The following SYT16 variants were observed in gnomAD, a reference collection of about 807,000 sequenced individuals.
The protein encoded by SYT16 is synaptotagmin 16.
In SYT16, 42 loss-of-function variants were observed where a neutral mutation model predicts 61.4. That is an observed-to-expected ratio of 0.68 (90% CI 0.53 to 0.89). The LOEUF (loss-of-function observed/expected upper bound fraction) is 0.89, where lower values mean the gene tolerates loss of function less well. Among genes scored for constraint, SYT16 ranks in the 40% least tolerant of loss-of-function variants. SYT16 has a pLI of 0.00. For synonymous variants in SYT16, 314 were observed against 302.3 expected, an observed-to-expected ratio of 1.04 and a Z score of -0.40; for missense variants, 804 against 807.3, an observed-to-expected ratio of 1.00 and a Z score of 0.05.
chr14:62,008,143 C>A (rs1412833166), intron 3 of SYT16, among the ~76,000 whole-genome samples: 1 of 151,970 alleles, frequency 6.6e-6, no homozygotes, highest in East Asian at 1.9e-4. Flanking sequence ...ATATTATCCT[C>A]TTCTTCCCTC....
At chr14:61,932,889 C>G (rs994414296) in intron 1 of SYT16, among the ~76,000 whole-genome samples, 4 of 152,134 alleles carry the variant, frequency 2.6e-5, no homozygotes, top group Non-Finnish European at 5.9e-5. Flanking sequence ...TCTGCTCACT[C>G]AAAATTAAGA....
intron 3 of SYT16, among the ~76,000 whole-genome samples, chr14:62,023,367 A>G (rs1457657657): frequency 6.6e-6 from 1 of 151,998 alleles, no homozygotes; most frequent in Non-Finnish European, 1.5e-5. Context: ...TGACCACCAA[A>G]CTCTGACTTC....
At chr14:61,971,673 C>T (rs553225518) in intron 2 of SYT16, among the ~76,000 whole-genome samples, 1 of 152,312 alleles carries the variant, frequency 6.6e-6, no homozygotes, top group Middle Eastern at 3.4e-3. Context: ...GGAAGAGTAT[C>T]AAAGAGTGTG....
intron 3 of SYT16, among the ~76,000 whole-genome samples, chr14:62,047,376 T>G (rs368606200): frequency 0.071 from 10,783 of 152,198 alleles, 498 homozygotes; most frequent in South Asian, 0.22. Context: ...GATTTTGGGC[T>G]GAGACAATGG....
At chr14:61,952,448 T>C (rs2050710059) in intron 1 of SYT16, among the ~76,000 whole-genome samples, 1 of 152,176 alleles carries the variant, frequency 6.6e-6, no homozygotes, top group African/African-American at 2.4e-5. Flanking sequence ...AAATGCTGCT[T>C]CTGAGCCTAC....
At chr14:61,824,620 G>A (rs1299216665) in intron 1 of SYT16, among the ~76,000 whole-genome samples, 1 of 152,160 alleles carries the variant, frequency 6.6e-6, no homozygotes, top group African/African-American at 2.4e-5. Flanking sequence ...CCAAAGTGCT[G>A]GGATTACAGG....
Position 61,971,126 on chromosome 14 carries a change from G to C in SYT16, c.-145+815G>C, listed in dbSNP as rs17734015. On this transcript the variant is annotated intron_variant, in intron 2 of 7. Coordinates refer to ENST00000683842, the MANE Select transcript of SYT16 (RefSeq NM_001367656.1). ...ATGCCTGGACCAAGGAGAGGATTTG[G>C]GTTACTGATATGGCAGCTTTTGTAG... 9.2e-3 allele frequency among the ~76,000 whole-genome samples: 1,395 copies of C among 152,146 alleles called. 13 individuals carry two copies. Among genetic ancestry groups the C allele is most frequent in the Non-Finnish European group, 0.013 (876 of 67,986 alleles).
At chr14:61,894,503 T>G (rs1463163090) in intron 1 of SYT16, among the ~76,000 whole-genome samples, 2 of 152,182 alleles carry the variant, frequency 1.3e-5, no homozygotes, top group South Asian at 4.1e-4. Context: ...TGCTGTAGAA[T>G]AATCCTGCTG....
At chr14:61,986,720 T>G (rs547369612) in intron 2 of SYT16, among the ~76,000 whole-genome samples, 1 of 152,164 alleles carries the variant, frequency 6.6e-6, no homozygotes, top group South Asian at 2.1e-4. Context: ...AGGCCCTAAT[T>G]GAAAATCTAG....
At chr14:61,983,910 C>A (rs2052192488) in intron 2 of SYT16, among the ~76,000 whole-genome samples, 1 of 152,168 alleles carries the variant, frequency 6.6e-6, no homozygotes, top group Admixed American at 6.5e-5. Flanking sequence ...GCATTGACTA[C>A]AGAGTGGTAA....
chr14:61,893,696 C>G (rs1457863504), intron 1 of SYT16, among the ~76,000 whole-genome samples: 1 of 152,184 alleles, frequency 6.6e-6, no homozygotes. Context: ...CTCCCATTTT[C>G]CATCCACTAG....
chr14:61,878,323 T>G (rs1387594872), intron 1 of SYT16, among the ~76,000 whole-genome samples: 5 of 152,230 alleles, frequency 3.3e-5, no homozygotes, highest in African/African-American at 9.7e-5. Flanking sequence ...TGCTCAGTTA[T>G]GTAAACGTCC....
Position 62,109,760 on chromosome 14 carries a change from A to G in SYT16, c.*9053A>G, listed in dbSNP as rs2067460947. On this transcript the variant is annotated 3_prime_UTR_variant, in exon 8 of 8. Coordinates refer to ENST00000683842, the MANE Select transcript of SYT16 (RefSeq NM_001367656.1). ...TACCTGTCGATAAAAAGTGTTAATTATGTTATTACTGATTCATGATAGAAA... is the reference window on the plus strand; with the variant it reads ...TACCTGTCGATAAAAAGTGTTAATTGTGTTATTACTGATTCATGATAGAAA... 1 of 152,108 alleles carries G rather than the reference A, an allele frequency of 6.6e-6. No homozygotes were observed. The allele number at this position is 152,108 out of a possible 1,614,324, so 9.4% of individuals were successfully genotyped here.
chr14:62,092,122 A>G (rs1412069794), intron 7 of SYT16, among the ~76,000 whole-genome samples: 1 of 151,536 alleles, frequency 6.6e-6, no homozygotes, highest in Non-Finnish European at 1.5e-5. Flanking sequence ...GGAAAATGCA[A>G]ATCAAAACTA....
At chr14:62,062,964 A>G (rs1027973639) in intron 3 of SYT16, among the ~76,000 whole-genome samples, 2 of 152,196 alleles carry the variant, frequency 1.3e-5, no homozygotes, top group Admixed American at 6.5e-5. Context: ...CTCCATCTGT[A>G]AAGTAGCAGC....
intron 3 of SYT16, among the ~76,000 whole-genome samples, chr14:62,000,778 T>C (rs1372550100): frequency 6.6e-6 from 1 of 152,128 alleles, no homozygotes; most frequent in African/African-American, 2.4e-5. Flanking sequence ...AATAATACTG[T>C]ACTATTTCAT....
chr14:61,994,430 C>A (rs1050612513), intron 2 of SYT16, among the ~76,000 whole-genome samples: 1 of 152,132 alleles, frequency 6.6e-6, no homozygotes, highest in South Asian at 2.1e-4. Context: ...CTAGGTGTTT[C>A]TGACACACCA....
chr14:61,980,576 G>A (rs1205251526), intron 2 of SYT16, among the ~76,000 whole-genome samples: 1 of 152,174 alleles, frequency 6.6e-6, no homozygotes, highest in African/African-American at 2.4e-5. Context: ...TTACTGGTTT[G>A]AGAATATTTA....
At chr14:61,858,680 C>G (rs1001859516) in intron 1 of SYT16, among the ~76,000 whole-genome samples, 1 of 152,082 alleles carries the variant, frequency 6.6e-6, no homozygotes, top group African/African-American at 2.4e-5. Context: ...TGATAGGAAA[C>G]GTGTCCTTCC....
Sources: gnomAD v4.1 joint callset for allele counts (sites outside exome capture counted in the v4.1 genomes callset) on GRCh38, gnomAD v4.1.1 for gene constraint, MANE v1.5 for transcripts, NCBI Gene and HGNC (gene_info 2026-07-23, HGNC 2026-07-21) for gene names.